The following DDX59 variants were observed in gnomAD, a reference collection of about 807,000 sequenced individuals.
DDX59 encodes DEAD-box helicase 59, also known as probable ATP-dependent RNA helicase DDX59.
In DDX59, 30 loss-of-function variants were observed where a neutral mutation model predicts 51.9. The observed-to-expected ratio is 0.58, with a 90% CI of 0.43 to 0.78. DDX59 has a LOEUF of 0.78. Among genes scored for constraint, DDX59 ranks in the 30% least tolerant of loss-of-function variants. The pLI, the probability that DDX59 is intolerant of heterozygous loss-of-function variation, is 0.00. For synonymous variants in DDX59, 255 were observed against 253.3 expected, an observed-to-expected ratio of 1.01 and a Z score of -0.06; for missense variants, 672 against 730.8, an observed-to-expected ratio of 0.92 and a Z score of 0.93.
At chr1:200,648,365 T>C (rs1661429277) in intron 7 of DDX59, 74 bp downstream of exon 7, 2 of 1,588,504 alleles carry the variant, frequency 1.3e-6, no homozygotes, top group Non-Finnish European at 1.7e-6. Context: ...TTCTTAAACT[T>C]GGTTATCACA....
chr1:200,667,956 T>G (rs905954358), intron 1 of DDX59, among the ~76,000 whole-genome samples: 9 of 152,170 alleles, frequency 5.9e-5, no homozygotes, highest in African/African-American at 2.2e-4. Context: ...CGTGTGTGTG[T>G]GTATAAAACA....
intron 4 of DDX59, among the ~76,000 whole-genome samples, chr1:200,654,126 C>T (rs1014834562): frequency 6.6e-6 from 1 of 152,146 alleles, no homozygotes; most frequent in Non-Finnish European, 1.5e-5. Context: ...TAAGAATCAC[C>T]TGAAGGGCCG....
At chr1:200,661,792 A>G (rs1221167158) in intron 3 of DDX59, among the ~76,000 whole-genome samples, 2 of 152,206 alleles carry the variant, frequency 1.3e-5, no homozygotes, top group Non-Finnish European at 2.9e-5. Flanking sequence ...AATCTACTCT[A>G]TCAACGTGAT....
intron 4 of DDX59, among the ~76,000 whole-genome samples, chr1:200,652,669 T>A (rs1661741951): frequency 1.6e-4 from 1 of 6,066 alleles, no homozygotes; most frequent in African/African-American, 3.1e-4. Flanking sequence ...TAAAAAGCAT[T>A]TTTTTTTTTT....
chr1:200,658,904 A>G (rs1662201209), intron 4 of DDX59, 123 bp downstream of exon 4: 3 of 773,652 alleles, frequency 3.9e-6, no homozygotes, highest in Admixed American at 5.4e-5. Context: ...GCAATGCTTT[A>G]AAAGTCCCTG....
rs1367770088 is a variant in DDX59, at chr1:200,665,988, T to C, written c.753A>G (p.Ser251=). ...RDILASADTG[S]GKTAAFLLPV... is the part of the protein sequence containing the mutation. ...GAAGAAGAAAAGCAGCTGTTTTTCC[T>C]GAGCCAGTATCTGCACTGGCCAGAA... The change falls in exon 2 of 8, where the codon TCA becomes TCG. Residue 251 remains serine, a synonymous_variant. Transcript: ENST00000331314. 10 of 1,612,498 alleles carry C rather than the reference T, an allele frequency of 6.2e-6. No individual in the cohort carries two copies. In the Admixed American group the frequency reaches 1.0e-4, roughly 16 times the overall value.
downstream of DDX59, among the ~76,000 whole-genome samples, chr1:200,643,224 T>C (rs2102823184): frequency 6.6e-6 from 1 of 152,006 alleles, no homozygotes; most frequent in African/African-American, 2.4e-5. Context: ...AGGTTAAGGC[T>C]GTAGTGAGCC....
downstream of DDX59, chr1:200,641,129 C>T: frequency 1.6e-6 from 2 of 1,289,508 alleles, no homozygotes; most frequent in South Asian, 2.5e-5. Flanking sequence ...GACACGTTAC[C>T]TCTTGTACCA....
At chr1:200,647,549 A>C (rs1206178642) in intron 7 of DDX59, among the ~76,000 whole-genome samples, 1 of 151,950 alleles carries the variant, frequency 6.6e-6, no homozygotes, top group African/African-American at 2.4e-5. Context: ...AAATTTTTTT[A>C]ATTAACATTT....
chr1:200,664,800 C>T (rs577357422), intron 2 of DDX59, among the ~76,000 whole-genome samples: 34 of 152,176 alleles, frequency 2.2e-4, no homozygotes, highest in Admixed American at 1.6e-3. Context: ...CTCAGCCTCC[C>T]GAGTAGCTGG....
rs779530458 is a variant in DDX59, at chr1:200,663,961, T to C, written c.930A>G (p.Leu310=). 25 of 1,614,160 alleles carry C rather than the reference T, an allele frequency of 1.5e-5. No individual in the cohort carries two copies. In the South Asian group the frequency reaches 2.6e-4, roughly 17 times the overall value. Residue 310 remains leucine (L), a synonymous_variant, in exon 3 of 8, where the codon TTA becomes TTG. Coordinates refer to ENST00000331314, the MANE Select transcript of DDX59 (RefSeq NM_001031725.6). ...RMKTVLLVGG[L]PLPPQLYRLQ... is the part of the protein sequence containing the mutation. Reference sequence around the variant, plus strand: ...GACGATAAAGCTGTGGGGGTAAGGGTAAGCCCCCTACAAGAAGCACAGTTT... The same window carrying C: ...GACGATAAAGCTGTGGGGGTAAGGGCAAGCCCCCTACAAGAAGCACAGTTT...
chr1:200,650,292 G>A (rs1661573504), intron 5 of DDX59, 133 bp downstream of exon 5: 3 of 927,034 alleles, frequency 3.2e-6, no homozygotes, highest in Non-Finnish European at 4.6e-6. Context: ...AGAATTCTAG[G>A]GTAGGTAAAG....
chr1:200,646,016 CA>C (rs1661270925), intron 7 of DDX59, among the ~76,000 whole-genome samples: 1 of 151,936 alleles, frequency 6.6e-6, no homozygotes, highest in South Asian at 2.1e-4. Flanking sequence ...TAAAAAAATT[CA>C]AAAAGACAAA....
downstream of DDX59, chr1:200,641,236 CACA>C (rs1352493012): frequency 1.7e-5 from 22 of 1,304,014 alleles, no homozygotes; most frequent in Admixed American, 2.3e-5. Context: ...CAGAGAAGGG[CACA>C]ACCCAAATAA....
In DDX59 at chr1:200,666,507, C is replaced by T. The variant is rs1253583270; in HGVS notation, c.234G>A (p.Glu78=). The T allele has an allele frequency of 6.2e-7, 1 of 1,614,196 alleles. No individual in the cohort carries two copies. Among genetic ancestry groups the T allele is most frequent in the Admixed American group, 1.7e-5 (1 of 60,022 alleles). Residue 78 remains glutamate, a synonymous_variant, in exon 2 of 8, where the codon GAG becomes GAA. Coordinates refer to ENST00000331314, the MANE Select transcript of DDX59 (RefSeq NM_001031725.6). The stretch of plus-strand genomic sequence containing the variant: ...AAGGATGGCTGTCCTTCGCACCCTG[C>T]TCGGGACTTACTGAATGAACCTCTG... ...QLAEVHSVSP[E]QGAKDSHPSE...
In DDX59 at chr1:200,665,966, G is replaced by A; in HGVS notation, c.775C>T (p.Leu259Phe). 2 of 1,611,242 alleles carry A rather than the reference G, an allele frequency of 1.2e-6. No individual in the cohort carries two copies. Among genetic ancestry groups the A allele is most frequent in the Non-Finnish European group, 1.7e-6 (2 of 1,178,610 alleles). The change falls in exon 2 of 8, where the codon CTT (leucine) becomes TTT (phenylalanine). Residue 259 changes from leucine to phenylalanine, a missense_variant. Leu to Phe is a conservative substitution (Grantham distance 22). Coordinates refer to ENST00000331314, the MANE Select transcript of DDX59 (RefSeq NM_001031725.6). ...TGSGKTAAFL[L>F]PVIMRALFES... ...AATAAAGCTCGCATGATAACAGGAA[G>A]AAGAAAAGCAGCTGTTTTTCCTGAG...
At chr1:200,644,005 C>G, downstream of DDX59, 3 of 397,010 alleles carry the variant, frequency 7.6e-6, no homozygotes, top group Non-Finnish European at 1.0e-5. Context: ...GCTCTGAGGA[C>G]TGTTTATTTT....
At position 200,659,092 on chromosome 1, in the gene DDX59, G is replaced by A; in HGVS notation, c.997C>T (p.Leu333Phe). ...VKVIIATPGR[L>F]LDIIKQSSVE... ...GAGCTCTGCTTTATTATATCCAGAA[G>A]TCGCCCAGGGGTTGCTATGATAACC... The change falls in exon 4 of 8, where the codon CTT (leucine) becomes TTT (phenylalanine). Residue 333 changes from leucine to phenylalanine, a missense_variant. Leu to Phe is a conservative substitution (Grantham distance 22). Transcript: ENST00000331314. 1 of 1,613,486 alleles carries A rather than the reference G, an allele frequency of 6.2e-7. No homozygotes were observed. The highest frequency in any genetic ancestry group is 8.5e-7 in the Non-Finnish European group (1 of 1,179,774).
chr1:200,646,267 A>C (rs960278774), intron 7 of DDX59, among the ~76,000 whole-genome samples: 1 of 152,100 alleles, frequency 6.6e-6, no homozygotes, highest in African/African-American at 2.4e-5. Context: ...CCATGCATTC[A>C]AGGTTACAGT....
Sources: allele counts gnomAD v4.1 joint callset (sites outside exome capture counted in the v4.1 genomes callset), GRCh38; gene constraint gnomAD v4.1.1; transcripts MANE v1.5; gene names NCBI Gene and HGNC (gene_info 2026-07-23, HGNC 2026-07-21).